The following TMEM178B variants were observed in gnomAD, a reference collection of about 807,000 sequenced individuals.
TMEM178B encodes transmembrane protein 178B.
A neutral mutation model predicts 31.0 loss-of-function variants in TMEM178B; 5 were observed. The observed-to-expected ratio is 0.16, with a 90% CI of 0.08 to 0.34. The LOEUF (loss-of-function observed/expected upper bound fraction) is 0.34, where lower values mean the gene tolerates loss of function less well. Ranked by LOEUF, TMEM178B falls within the 10% of genes least tolerant of loss-of-function variation. The pLI is 1.00. For synonymous variants in TMEM178B, 164 were observed against 164.0 expected (o/e 1.00, Z 0.00); for missense variants, 275 against 400.3 (o/e 0.69, Z 2.67).
At chr7:141,464,182 G>T (rs1445285630) in intron 3 of TMEM178B, among the ~76,000 whole-genome samples, 1 of 152,130 alleles carries the variant, frequency 6.6e-6, no homozygotes, top group East Asian at 1.9e-4. Flanking sequence ...GAAAGGAGGG[G>T]ACCTTTGGGG....
At chr7:141,292,445 G>A (rs2116423882) in intron 2 of TMEM178B, among the ~76,000 whole-genome samples, 1 of 152,242 alleles carries the variant, frequency 6.6e-6, no homozygotes, top group South Asian at 2.1e-4. Flanking sequence ...CTTTGGGACA[G>A]AGGAATGAGC....
At chr7:141,399,820 T>C (rs1800728520) in intron 2 of TMEM178B, among the ~76,000 whole-genome samples, 1 of 152,218 alleles carries the variant, frequency 6.6e-6, no homozygotes. Flanking sequence ...CTAGGGATTT[T>C]CTACTTTCCT....
At chr7:141,189,395 G>T (rs1235678979) in intron 1 of TMEM178B, among the ~76,000 whole-genome samples, 2 of 152,214 alleles carry the variant, frequency 1.3e-5, no homozygotes, top group Non-Finnish European at 2.9e-5. Context: ...ATGCTGGTGG[G>T]CGGGCAGATA....
intron 2 of TMEM178B, among the ~76,000 whole-genome samples, chr7:141,373,325 C>A (rs910149024): frequency 6.6e-6 from 1 of 152,120 alleles, no homozygotes; most frequent in Non-Finnish European, 1.5e-5. Flanking sequence ...CCCAAATAAA[C>A]AACAACAACA....
chr7:141,485,230 A>G (rs1311036466), downstream of TMEM178B, among the ~76,000 whole-genome samples: 2 of 152,198 alleles, frequency 1.3e-5, no homozygotes, highest in African/African-American at 4.8e-5. Context: ...GGGAACTGGA[A>G]GCCATCATCC....
chr7:141,301,788 G>A (rs1178268938), intron 2 of TMEM178B, among the ~76,000 whole-genome samples: 2 of 152,166 alleles, frequency 1.3e-5, no homozygotes, highest in African/African-American at 2.4e-5. Context: ...CTGCTTGTGA[G>A]CACCAGTGCA....
intron 2 of TMEM178B, among the ~76,000 whole-genome samples, chr7:141,361,122 A>G (rs1485135821): frequency 2.0e-5 from 3 of 152,168 alleles, no homozygotes; most frequent in Non-Finnish European, 2.9e-5. Flanking sequence ...CAGAATAATA[A>G]CTGTTTCAAG....
intron 1 of TMEM178B, among the ~76,000 whole-genome samples, chr7:141,097,551 C>G (rs1310574773): frequency 1.3e-5 from 2 of 151,934 alleles, no homozygotes; most frequent in Non-Finnish European, 2.9e-5. Context: ...ATCCTGGTTA[C>G]TATTCAAAAA....
chr7:141,245,313 G>A (rs1324616865), intron 2 of TMEM178B, among the ~76,000 whole-genome samples: 4 of 151,018 alleles, frequency 2.6e-5, no homozygotes, highest in Non-Finnish European at 5.9e-5. Context: ...GGGAAAGGGA[G>A]GGAAAACAGG....
intron 2 of TMEM178B, among the ~76,000 whole-genome samples, chr7:141,247,049 G>A (rs887790053): frequency 2.1e-4 from 32 of 152,102 alleles, no homozygotes; most frequent in Non-Finnish European, 4.4e-5. Flanking sequence ...ACTTTTCCCA[G>A]TATCTAGAAC....
chr7:141,493,382 G>A, the TMEM178B span, among the ~76,000 whole-genome samples: 3 of 152,220 alleles, frequency 2.0e-5, no homozygotes, highest in Admixed American at 2.0e-4. Context: ...CAGCAGAAAT[G>A]CAACCTCTTC....
At chr7:141,233,949 TAA>T (rs1269695660) in intron 2 of TMEM178B, among the ~76,000 whole-genome samples, 1 of 152,214 alleles carries the variant, frequency 6.6e-6, no homozygotes, top group African/African-American at 2.4e-5. Flanking sequence ...ACTACTGATT[TAA>T]AGATTATTCC....
chr7:141,202,334 G>A (rs1279663700), intron 1 of TMEM178B, among the ~76,000 whole-genome samples: 1 of 125,732 alleles, frequency 8.0e-6, no homozygotes, highest in Admixed American at 1.0e-4. Flanking sequence ...GTGTTTAGGG[G>A]CAAGGTAAGG....
intron 2 of TMEM178B, among the ~76,000 whole-genome samples, chr7:141,388,549 C>T (rs1800474500): frequency 6.6e-6 from 1 of 152,174 alleles, no homozygotes; most frequent in Non-Finnish European, 1.5e-5. Context: ...CCTCAGCCTC[C>T]ACACCCATTC....
At chr7:141,350,441 T>C (rs968319980) in intron 2 of TMEM178B, among the ~76,000 whole-genome samples, 7 of 152,192 alleles carry the variant, frequency 4.6e-5, no homozygotes, top group African/African-American at 1.7e-4. Context: ...TGTATCATTA[T>C]TGTCCGAAAC....
rs1802285077 is a variant in TMEM178B, at chr7:141,473,421, G to T, written c.*2635G>T. On this transcript the variant is annotated 3_prime_UTR_variant, in exon 4 of 4. Transcript: ENST00000565468. ...GGAAAAATTCTAAATGGGGAAATTT[G>T]CTATGAACCATTTAAACTTTTTGTA... is the stretch of plus-strand genomic sequence containing the variant. The T allele has an allele frequency of 6.6e-6, 1 of 152,148 alleles. No homozygotes were observed. Among genetic ancestry groups the T allele is most frequent in the Non-Finnish European group, 1.5e-5 (1 of 68,032 alleles). The allele number at this position is 152,148 out of a possible 1,614,324, so 9.4% of individuals were successfully genotyped here.
intron 1 of TMEM178B, among the ~76,000 whole-genome samples, chr7:141,176,222 GT>G (rs909308383): frequency 5.7e-4 from 86 of 152,178 alleles, no homozygotes; most frequent in Admixed American, 3.0e-3. Flanking sequence ...TAATCATGTG[GT>G]TTTTGTCATT....
At chr7:141,271,500 G>A (rs1273173111) in intron 2 of TMEM178B, among the ~76,000 whole-genome samples, 1 of 152,188 alleles carries the variant, frequency 6.6e-6, no homozygotes, top group Middle Eastern at 3.2e-3. Flanking sequence ...GGGCCCCAGT[G>A]CATAGGAAGA....
Position 141,367,095 on chromosome 7 carries a change from G to T in TMEM178B, c.497-70513G>T, listed in dbSNP as rs868213254. Among the ~76,000 whole-genome samples the T allele has an allele frequency of 8.9e-3, 1,306 of 146,734 alleles. 20 individuals carry two copies. The highest frequency in any genetic ancestry group is 0.031 in the African/African-American group (1,212 of 39,534). Reference sequence around the variant, plus strand: ...AGCCACATGACAGCAGGGGGGAGGGGTGGGGGGGGCAGGGGTGGGTGGCCA... The same window carrying T: ...AGCCACATGACAGCAGGGGGGAGGGTTGGGGGGGGCAGGGGTGGGTGGCCA... On this transcript the variant is annotated intron_variant, in intron 2 of 3. Transcript: ENST00000565468.
Sources: allele counts gnomAD v4.1 joint callset (sites outside exome capture counted in the v4.1 genomes callset), GRCh38; gene constraint gnomAD v4.1.1; transcripts MANE v1.5; gene names NCBI Gene and HGNC (gene_info 2026-07-23, HGNC 2026-07-21).